TRAPPC3: variants seen among roughly 807,000 people sequenced by gnomAD.
The protein encoded by TRAPPC3 is trafficking protein particle complex 3.
TRAPPC3 carries 5 observed loss-of-function variants against 18.2 expected under a neutral mutation model. The observed-to-expected ratio is 0.28, with a 90% CI of 0.14 to 0.58. The LOEUF is 0.58. Ranked by LOEUF, TRAPPC3 falls within the 20% of genes least tolerant of loss-of-function variation. The pLI is 0.91. For synonymous variants in TRAPPC3, 65 were observed against 84.2 expected, an observed-to-expected ratio of 0.77 and a Z score of 1.25; for missense variants, 176 against 225.9, an observed-to-expected ratio of 0.78 and a Z score of 1.41.
At chr1:36,140,852 C>T (rs1644096594) in intron 1 of TRAPPC3, 1 of 152,226 alleles carries the variant, frequency 6.6e-6, no homozygotes, top group African/African-American at 2.4e-5. Flanking sequence ...CACAGAAACT[C>T]CTTCTCACAT....
At chr1:36,140,390 C>T in intron 1 of TRAPPC3, 1 of 401,240 alleles carries the variant, frequency 2.5e-6, no homozygotes, top group Non-Finnish European at 4.4e-6. Flanking sequence ...GCACCTCATG[C>T]ACTAAGCAAT....
chr1:36,139,004 C>G (rs1048148231), intron 3 of TRAPPC3, among the ~76,000 whole-genome samples: 1 of 147,040 alleles, frequency 6.8e-6, no homozygotes, highest in Non-Finnish European at 1.5e-5. Flanking sequence ...CCATTGCATT[C>G]TAGCCTGGGC....
At chr1:36,153,895 G>A (rs1298421323), upstream of TRAPPC3, among the ~76,000 whole-genome samples, 2 of 152,142 alleles carry the variant, frequency 1.3e-5, no homozygotes, top group African/African-American at 4.8e-5. Context: ...AGCTCCCCAT[G>A]CTTGTTTCCA....
chr1:36,141,828 C>T (rs59147570), intron 1 of TRAPPC3, among the ~76,000 whole-genome samples: 2,136 of 151,740 alleles, frequency 0.014, 47 homozygotes, highest in African/African-American at 0.048. Flanking sequence ...TGTGGTGGCG[C>T]GTGCCTGTAA....
chr1:36,143,143 G>A lies in TRAPPC3; in HGVS notation c.43-2977C>T, dbSNP rs926120850. 3.3e-5 allele frequency among the ~76,000 whole-genome samples: 5 copies of A among 152,130 alleles called. No individual in the cohort carries two copies. In the South Asian group the frequency reaches 8.3e-4, roughly 25 times the overall value. ...CTGTGTGCCAGGCTATCTAACAGGA[G>A]GGGGAGAGACAATACAGCCAAATGA... On this transcript the variant is annotated intron_variant, in intron 1 of 4. Transcript: ENST00000373166.
intron 1 of TRAPPC3, among the ~76,000 whole-genome samples, chr1:36,145,934 C>A (rs922618748): frequency 6.6e-6 from 1 of 151,682 alleles, no homozygotes; most frequent in Non-Finnish European, 1.5e-5. Flanking sequence ...CCACCACGCC[C>A]GGCTAACTTT....
At chr1:36,155,265 GCC>G (rs1211746810) in intron 1 of TRAPPC3, among the ~76,000 whole-genome samples, 2 of 152,204 alleles carry the variant, frequency 1.3e-5, no homozygotes, top group African/African-American at 4.8e-5. Context: ...TCCCCACTCT[GCC>G]CCGGGCTGGG....
Position 36,142,938 on chromosome 1 carries a change from G to A in TRAPPC3, c.43-2772C>T, listed in dbSNP as rs576897095. Among the ~76,000 whole-genome samples the A allele has an allele frequency of 3.3e-5, 5 of 152,192 alleles. No individual in the cohort carries two copies. In the South Asian group the frequency reaches 6.2e-4, roughly 19 times the overall value. On this transcript the variant is annotated intron_variant, in intron 1 of 4. Transcript: ENST00000373166. ...TCCCAGCTACTTGGGAGGCTGAGGCGGGAGGATGGCTTGAGCCTGGGATGT... is the reference window on the plus strand; with the variant it reads ...TCCCAGCTACTTGGGAGGCTGAGGCAGGAGGATGGCTTGAGCCTGGGATGT...
chr1:36,153,774 T>C (rs564993666), upstream of TRAPPC3, among the ~76,000 whole-genome samples: 3 of 152,300 alleles, frequency 2.0e-5, no homozygotes, highest in South Asian at 4.1e-4. Context: ...TGTAGGCTAA[T>C]ACCAGGGGCT....
chr1:36,137,433 G>A lies in TRAPPC3; in HGVS notation c.424-111C>T, dbSNP rs1226108020. 3 of 1,164,416 alleles carry A rather than the reference G, an allele frequency of 2.6e-6. No homozygotes were observed. In the Admixed American group the frequency reaches 7.0e-5, roughly 27 times the overall value. 72.1% of individuals were successfully genotyped at this position (1,164,416 alleles called of 1,614,324 possible). A position where few individuals can be genotyped will look rare whatever the true frequency, so the allele number is the denominator to read the frequency against. On this transcript the variant is annotated intron_variant, in intron 4 of 4. Coordinates refer to ENST00000373166, the MANE Select transcript of TRAPPC3 (RefSeq NM_014408.5). ...CACAGCATCCAAAAAAGGGGGGCTG[G>A]TTTCCCACAAGGACAAGATTGACAG...
At chr1:36,139,856 C>T in intron 2 of TRAPPC3, 37 bp from the exon 3 acceptor site, 1 of 1,611,538 alleles carries the variant, frequency 6.2e-7, no homozygotes, top group Non-Finnish European at 8.5e-7. Flanking sequence ...ATGATGGAGT[C>T]TAAATGTCTT....
chr1:36,148,016 C>T (rs1027539341), intron 1 of TRAPPC3, among the ~76,000 whole-genome samples: 3 of 152,200 alleles, frequency 2.0e-5, no homozygotes, highest in African/African-American at 7.2e-5. Context: ...TTTACCATGC[C>T]CCTCACATTT....
chr1:36,156,053 G>C (rs540027384), exon 1 of TRAPPC3: 46 of 254,290 alleles, frequency 1.8e-4, no homozygotes, highest in Non-Finnish European at 2.7e-4. Flanking sequence ...CGCGGACGGC[G>C]CGGGCGCGGG....
At chr1:36,143,017 G>C (rs1461207748) in intron 1 of TRAPPC3, among the ~76,000 whole-genome samples, 3 of 152,170 alleles carry the variant, frequency 2.0e-5, no homozygotes, top group Non-Finnish European at 4.4e-5. Flanking sequence ...AGGTAGAAGA[G>C]TGAGACTCTG....
At chr1:36,147,930 G>T (rs1187694821) in intron 1 of TRAPPC3, among the ~76,000 whole-genome samples, 2 of 152,056 alleles carry the variant, frequency 1.3e-5, no homozygotes. Flanking sequence ...CTTAAAAAAT[G>T]GATAAAATGA....
At chr1:36,139,529 G>T in intron 3 of TRAPPC3, 191 bp downstream of exon 3, 2 of 687,880 alleles carry the variant, frequency 2.9e-6, no homozygotes, top group Non-Finnish European at 4.7e-6. Context: ...TGATTTCAGT[G>T]GGGCTTTAAT....
chr1:36,147,037 T>C (rs1258930413), intron 1 of TRAPPC3, among the ~76,000 whole-genome samples: 4 of 152,194 alleles, frequency 2.6e-5, no homozygotes, highest in Non-Finnish European at 4.4e-5. Context: ...AATAAATCTG[T>C]GCTTTTGGTG....
chr1:36,145,715 T>A (rs77162983), intron 1 of TRAPPC3, among the ~76,000 whole-genome samples: 9,196 of 152,290 alleles, frequency 0.06, 743 homozygotes, highest in East Asian at 0.26. Flanking sequence ...TAGCTTTACA[T>A]GCATTCTCTC....
intron 1 of TRAPPC3, among the ~76,000 whole-genome samples, chr1:36,143,613 C>T (rs1644148758): frequency 6.6e-6 from 1 of 152,174 alleles, no homozygotes; most frequent in Admixed American, 6.5e-5. Flanking sequence ...CACCACATCT[C>T]CGCTACCACC....
Sources: gnomAD v4.1 joint callset for allele counts (sites outside exome capture counted in the v4.1 genomes callset) on GRCh38, gnomAD v4.1.1 for gene constraint, MANE v1.5 for transcripts, NCBI Gene and HGNC (gene_info 2026-07-23, HGNC 2026-07-21) for gene names.